The following TTF1 variants were observed in gnomAD, a reference collection of about 807,000 sequenced individuals.
TTF1 encodes the protein transcription termination factor, RNA polymerase I.
A neutral mutation model predicts 80.2 loss-of-function variants in TTF1; 64 were observed. The ratio of observed to expected loss-of-function variants is 0.80; its 90% CI spans 0.65 to 0.98. TTF1 has a LOEUF of 0.98. Among genes scored for constraint, TTF1 ranks in the 50% least tolerant of loss-of-function variants. The pLI is 0.00. For synonymous variants in TTF1, 372 were observed against 382.7 expected (o/e 0.97, Z 0.33); for missense variants, 1,023 against 1,086.2 (o/e 0.94, Z 0.82).
intron 10 of TTF1, among the ~76,000 whole-genome samples, chr9:132,378,004 CGTGTGAATGCATGTG>C (rs1849262409): frequency 3.3e-5 from 1 of 29,978 alleles, no homozygotes; most frequent in Non-Finnish European, 6.1e-5. Context: ...GCATGTGGTG[CGTGTGAATGCATGTG>C]GTGTGAGTGC....
intron 8 of TTF1, 28 bp downstream of exon 8, chr9:132,388,111 A>T (rs1251270573): frequency 6.5e-7 from 1 of 1,546,978 alleles, no homozygotes; most frequent in Non-Finnish European, 8.9e-7. Context: ...AGAAACAGTT[A>T]AGAGGCATCC....
At chr9:132,394,396 C>T (rs1483067891) in intron 5 of TTF1, among the ~76,000 whole-genome samples, 1 of 152,036 alleles carries the variant, frequency 6.6e-6, no homozygotes, top group East Asian at 1.9e-4. Flanking sequence ...CTTCCTGCCT[C>T]AGCCTCCCAA....
chr9:132,396,051 T>C (rs1849642552), intron 5 of TTF1, among the ~76,000 whole-genome samples: 1 of 152,172 alleles, frequency 6.6e-6, no homozygotes, highest in Non-Finnish European at 1.5e-5. Context: ...AAATAGTTAC[T>C]AAAAACCCAC....
At chr9:132,385,353 A>C (rs1454922996) in intron 9 of TTF1, among the ~76,000 whole-genome samples, 1 of 152,236 alleles carries the variant, frequency 6.6e-6, no homozygotes, top group Non-Finnish European at 1.5e-5. Flanking sequence ...TAGTGTTTAC[A>C]AAGTTCCAAA....
chr9:132,386,600 T>G lies in TTF1; in HGVS notation c.2334A>C (p.Glu778Asp), dbSNP rs749994737. ...CTTCCCAGTCTATTTCATTAGTATC[T>G]TCCACATTTATTTCATACAACCTGT... ...LIERLYEINV[E>D]DTNEIDWEDL... The change falls in exon 9 of 11, where the codon GAA becomes GAC. Residue 778 changes from glutamate to aspartate, a missense_variant. Coordinates refer to ENST00000334270, the MANE Select transcript of TTF1 (RefSeq NM_007344.4). 6.2e-7 allele frequency: 1 copy of G among 1,612,884 alleles called. No individual in the cohort carries two copies. The highest frequency in any genetic ancestry group is 8.5e-7 in the Non-Finnish European group (1 of 1,178,932).
intron 1 of TTF1, among the ~76,000 whole-genome samples, chr9:132,404,933 T>C (rs985382039): frequency 5.3e-5 from 8 of 152,152 alleles, no homozygotes; most frequent in Non-Finnish European, 2.9e-5. Context: ...TCGCCCAGGC[T>C]GGAGTGCAGT....
At chr9:132,394,908 A>G (rs1849618909) in intron 5 of TTF1, among the ~76,000 whole-genome samples, 1 of 147,108 alleles carries the variant, frequency 6.8e-6, no homozygotes, top group African/African-American at 2.5e-5. Context: ...AAAAAAAAAA[A>G]TTGCCAGGCA....
rs765410657 is a variant in TTF1, at chr9:132,392,078, C to T, written c.1985G>A (p.Ser662Asn). 2 of 1,613,844 alleles carry T rather than the reference C, an allele frequency of 1.2e-6. No individual in the cohort carries two copies. Among genetic ancestry groups the T allele is most frequent in the Admixed American group, 1.7e-5 (1 of 59,986 alleles). Reference protein sequence around the residue: ...SVALKFSQISSQRNRGAWSKS... With the variant: ...SVALKFSQISNQRNRGAWSKS... ...GGGCACTGGGGGCTGCCACTTACGACTGCTGATCTGTGAGAACTTGAGGGC... is the reference window on the plus strand; with the variant it reads ...GGGCACTGGGGGCTGCCACTTACGATTGCTGATCTGTGAGAACTTGAGGGC... Residue 662 changes from serine (S) to asparagine (N), a missense_variant and splice_region_variant, in exon 6 of 11, where the codon AGT becomes AAT. Transcript: ENST00000334270.
At chr9:132,385,713 C>A (rs1392367861) in intron 9 of TTF1, among the ~76,000 whole-genome samples, 1 of 152,178 alleles carries the variant, frequency 6.6e-6, no homozygotes, top group South Asian at 2.1e-4. Flanking sequence ...CTTTTTGGTA[C>A]CATGCTATCT....
rs757494195 is a variant in TTF1 at position 132,386,628 on chromosome 9, G to GA, written c.2313-8dup. ...CACATTTATTTCATACAACCTGTGAGAAAAAATAAAAATTAAATTTTCAAG... is the reference window on the plus strand; with the variant it reads ...CACATTTATTTCATACAACCTGTGAGAAAAAAATAAAAATTAAATTTTCAAG... On this transcript the variant is annotated splice_region_variant and splice_polypyrimidine_tract_variant and intron_variant, in intron 8 of 10. Coordinates refer to ENST00000334270, the MANE Select transcript of TTF1 (RefSeq NM_007344.4). 6.2e-7 allele frequency: 1 copy of GA among 1,606,138 alleles called. No homozygotes were observed. Among genetic ancestry groups the GA allele is most frequent in the Non-Finnish European group, 8.5e-7 (1 of 1,174,254 alleles).
At position 132,402,614 on chromosome 9, in the gene TTF1, A is replaced by AT. The variant is rs753824079; in HGVS notation, c.207dup (p.Ser70IlefsTer5). ...TTTGCAGTCTCATCACAGATTCTGGATTTTTTCAAAGGAGAAGAAATGAGA... is the reference window on the plus strand; with the variant it reads ...TTTGCAGTCTCATCACAGATTCTGGATTTTTTTCAAAGGAGAAGAAATGAGA... On this transcript the variant is annotated frameshift_variant, in exon 2 of 11. Coordinates refer to ENST00000334270, the MANE Select transcript of TTF1 (RefSeq NM_007344.4). LOFTEE classifies it high-confidence loss of function. 2.5e-6 allele frequency: 4 copies of AT among 1,613,152 alleles called. No homozygotes were observed. The highest frequency in any genetic ancestry group is 2.2e-5 in the South Asian group (2 of 90,894).
rs1447074714 is a variant in TTF1 at position 132,375,983 on chromosome 9, G to T, written c.2650C>A (p.Gln884Lys). The T allele has an allele frequency of 4.3e-6, 7 of 1,613,558 alleles. No individual in the cohort carries two copies. The highest frequency in any genetic ancestry group is 5.1e-6 in the Non-Finnish European group (6 of 1,179,890). The change falls in exon 11 of 11, where the codon CAG becomes AAG. Residue 884 changes from glutamine (Q) to lysine (K), a missense_variant. Coordinates refer to ENST00000334270, the MANE Select transcript of TTF1 (RefSeq NM_007344.4). ...GEDIEKESEG[Q>K]APCMAHACNS... is the part of the protein sequence containing the mutation. ...CAGGCGTGAGCCATGCATGGCGCCT[G>T]GCCTTCGCTTTCTTTTTCTATGTCC...
At chr9:132,389,317 G>GGATTACAGAT (rs551508444) in intron 7 of TTF1, among the ~76,000 whole-genome samples, 41 of 151,748 alleles carry the variant, frequency 2.7e-4, no homozygotes, top group African/African-American at 9.4e-4. Flanking sequence ...CGAGTAGCTG[G>GGATTACAGAT]GATTACAGAT....
chr9:132,376,210 A>G (rs915415896), intron 10 of TTF1, 42 bp from the exon 11 acceptor site: 1 of 1,578,552 alleles, frequency 6.3e-7, no homozygotes, highest in Non-Finnish European at 8.6e-7. Flanking sequence ...CTGTCTGTAC[A>G]AGGCCTCTTA....
chr9:132,398,387 A>G lies in TTF1; in HGVS notation c.1592-61T>C, dbSNP rs1849696846. 4 of 1,537,928 alleles carry G rather than the reference A, an allele frequency of 2.6e-6. No homozygotes were observed. The Admixed American group carries it at 8.7e-5, about 34-fold the overall frequency. On this transcript the variant is annotated intron_variant, in intron 3 of 10. Transcript: ENST00000334270. ...TGTTAATAATGACAAAAGCAAACCT[A>G]TGACTTGGTTTTTCATCAGCAATGA...
chr9:132,378,209 ATGCATGTGGTGTGTGAG>A (rs1849276151), intron 10 of TTF1, among the ~76,000 whole-genome samples: 2 of 63,902 alleles, frequency 3.1e-5, no homozygotes, highest in African/African-American at 1.4e-4. Flanking sequence ...GTGCGTGTGA[ATGCATGTGGTGTGTGAG>A]TGCATGCATG....
At chr9:132,395,171 G>A (rs1331375844) in intron 5 of TTF1, among the ~76,000 whole-genome samples, 1 of 152,046 alleles carries the variant, frequency 6.6e-6, no homozygotes, top group Middle Eastern at 3.4e-3. Flanking sequence ...CAGCCTGGGC[G>A]ACAGACTGAG....
Position 132,384,504 on chromosome 9 carries a change from T to C in TTF1, c.2378+2052A>G, listed in dbSNP as rs989186783. ...AGTAACAAAAGAGAGTAGGTATAAA[T>C]AGCCAACATTAGCCATCAGAACATC... On this transcript the variant is annotated intron_variant, in intron 9 of 10. Transcript: ENST00000334270. The surrounding 1 kb of genome is among the most constrained non-coding windows in gnomAD (Gnocchi z 4.1). 6.6e-6 allele frequency among the ~76,000 whole-genome samples: 1 copy of C among 152,126 alleles called. No homozygotes were observed. Among genetic ancestry groups the C allele is most frequent in the Admixed American group, 6.6e-5 (1 of 15,264 alleles).
rs1305503905 is a variant in TTF1, at chr9:132,402,586, G to A, written c.236C>T (p.Ala79Val). ...KSRICDETAN[A>V]TSTLKKRKKR... Reference sequence around the variant, plus strand: ...TTTTCTCTTTTTGAGTGTGGAAGTGGCATTTGCAGTCTCATCACAGATTCT... The same window carrying A: ...TTTTCTCTTTTTGAGTGTGGAAGTGACATTTGCAGTCTCATCACAGATTCT... Residue 79 changes from alanine to valine, a missense_variant, in exon 2 of 11, where the codon GCC becomes GTC. Coordinates refer to ENST00000334270, the MANE Select transcript of TTF1 (RefSeq NM_007344.4). The A allele has an allele frequency of 6.8e-6, 11 of 1,614,034 alleles. No homozygotes were observed. The South Asian group carries it at 1.1e-4, about 16-fold the overall frequency.
Sources: allele counts gnomAD v4.1 joint callset (sites outside exome capture counted in the v4.1 genomes callset), GRCh38; gene constraint gnomAD v4.1.1; non-coding constraint Gnocchi (gnomAD v3.1); transcripts MANE v1.5; gene names NCBI Gene and HGNC (gene_info 2026-07-23, HGNC 2026-07-21).